The following GTF2F2 variants were observed in gnomAD, a reference collection of about 807,000 sequenced individuals.
GTF2F2 encodes general transcription factor IIF subunit 2.
A neutral mutation model predicts 42.2 loss-of-function variants in GTF2F2; 23 were observed. The observed-to-expected ratio is 0.55, with a 90% CI of 0.39 to 0.77. GTF2F2 has a LOEUF of 0.77. Ranked by LOEUF, GTF2F2 falls within the 30% of genes least tolerant of loss-of-function variation. The pLI is 0.00. For synonymous variants in GTF2F2, 105 were observed against 100.8 expected (o/e 1.04, Z -0.25); for missense variants, 261 against 287.2 (o/e 0.91, Z 0.66).
intron 5 of GTF2F2, among the ~76,000 whole-genome samples, chr13:45,248,634 C>T (rs563021196): frequency 2.6e-5 from 4 of 152,046 alleles, no homozygotes; most frequent in South Asian, 2.1e-4. Flanking sequence ...CCACCATGCC[C>T]GGCTGATTTT....
At chr13:45,122,565 C>T (rs538325603) in intron 1 of GTF2F2, among the ~76,000 whole-genome samples, 4 of 152,098 alleles carry the variant, frequency 2.6e-5, no homozygotes, top group Admixed American at 6.6e-5. Context: ...AACCGGGAGA[C>T]GGAGGTTGCA....
chr13:45,246,444 T>C (rs184305450), intron 5 of GTF2F2, among the ~76,000 whole-genome samples: 2 of 152,308 alleles, frequency 1.3e-5, no homozygotes, highest in African/African-American at 4.8e-5. Context: ...GAATCTGTTT[T>C]CAAAATATTT....
At position 45,136,797 on chromosome 13, in the gene GTF2F2, G is replaced by A. The variant is rs544686461; in HGVS notation, c.131G>A (p.Arg44Gln). Residue 44 changes from arginine to glutamine, a missense_variant, in exon 2 of 8, where the codon CGG becomes CAG. By Grantham distance (43) the Arg-to-Gln change is conservative. Coordinates refer to ENST00000340473, the MANE Select transcript of GTF2F2 (RefSeq NM_004128.3). ...ASGRGEVGKL[R>Q]IAKTQGRTEV... The stretch of plus-strand genomic sequence containing the variant: ...GGAAGAGGTGAAGTTGGGAAACTGC[G>A]GATTGCCAAGTAAGTTATTTACATA... 4.2e-5 allele frequency: 66 copies of A among 1,562,578 alleles called. No individual in the cohort carries two copies. The highest frequency in any genetic ancestry group is 1.9e-4 in the African/African-American group (14 of 73,986).
At chr13:45,262,716 G>T (rs1052081069) in intron 6 of GTF2F2, among the ~76,000 whole-genome samples, 8 of 152,036 alleles carry the variant, frequency 5.3e-5, no homozygotes, top group African/African-American at 1.9e-4. Context: ...ACTGCGCCCG[G>T]CCTAATCTTT....
At chr13:45,166,419 T>C (rs181451326) in intron 4 of GTF2F2, among the ~76,000 whole-genome samples, 1 of 152,332 alleles carries the variant, frequency 6.6e-6, no homozygotes, top group African/African-American at 2.4e-5. Context: ...ATGCAGTCTT[T>C]CTGCAGAACT....
At position 45,249,303 on chromosome 13, in the gene GTF2F2, T is replaced by C. The variant is rs527693068; in HGVS notation, c.387-3568T>C. ...TTTAGTTTTGAATCATAAGTTGTCCTCTTTTAATTAAAACCCTTGTGGTTG... is the reference window on the plus strand; with the variant it reads ...TTTAGTTTTGAATCATAAGTTGTCCCCTTTTAATTAAAACCCTTGTGGTTG... On this transcript the variant is annotated intron_variant, in intron 5 of 7. Transcript: ENST00000340473. Among the ~76,000 whole-genome samples the C allele has an allele frequency of 2.6e-5, 4 of 152,354 alleles. No homozygotes were observed. The South Asian group carries it at 8.3e-4, about 32-fold the overall frequency.
intron 7 of GTF2F2, among the ~76,000 whole-genome samples, chr13:45,272,436 AAAAAC>A (rs1876835937): frequency 1.4e-5 from 2 of 143,092 alleles, no homozygotes; most frequent in African/African-American, 5.6e-5. Flanking sequence ...AAAAAAAAAA[AAAAAC>A]AAAAAAAAAA....
In GTF2F2 at chr13:45,120,551, T is replaced by C; in HGVS notation, c.-105T>C. On this transcript the variant is annotated 5_prime_UTR_variant, in exon 1 of 8. Coordinates refer to ENST00000340473, the MANE Select transcript of GTF2F2 (RefSeq NM_004128.3). ...CTGGCAGGTAAGGAACGCCGGCTCT[T>C]CGCCTCTCAGCGCGGCTTGTCCTTT... The C allele has an allele frequency of 1.3e-6, 1 of 776,680 alleles. No individual in the cohort carries two copies. The highest frequency in any genetic ancestry group is 1.6e-5 in the South Asian group (1 of 63,820). 48.1% of individuals were successfully genotyped at this position (776,680 alleles called of 1,614,324 possible). A position where few individuals can be genotyped will look rare whatever the true frequency, so the allele number is the denominator to read the frequency against.
At chr13:45,129,584 A>G (rs951323743) in intron 1 of GTF2F2, among the ~76,000 whole-genome samples, 2 of 152,188 alleles carry the variant, frequency 1.3e-5, no homozygotes, top group Admixed American at 6.5e-5. Context: ...AGTAAATTAT[A>G]TATCCTAGGT....
At chr13:45,283,215 G>A (rs536579270) in intron 7 of GTF2F2, among the ~76,000 whole-genome samples, 41 of 151,944 alleles carry the variant, frequency 2.7e-4, no homozygotes, top group Non-Finnish European at 5.4e-4. Context: ...TGGCATTCAG[G>A]ACTTTCAACT....
chr13:45,188,025 C>A (rs909653383), intron 4 of GTF2F2, among the ~76,000 whole-genome samples: 1 of 152,272 alleles, frequency 6.6e-6, no homozygotes, highest in East Asian at 1.9e-4. Context: ...CATGCCGCAG[C>A]CTCCCAAGTA....
intron 4 of GTF2F2, among the ~76,000 whole-genome samples, chr13:45,174,812 C>T (rs1277554221): frequency 6.6e-6 from 1 of 151,946 alleles, no homozygotes; most frequent in Non-Finnish European, 1.5e-5. Context: ...ACAGGTTTCT[C>T]ACTGGGAGAT....
intron 4 of GTF2F2, among the ~76,000 whole-genome samples, chr13:45,176,253 GT>G (rs1234084417): frequency 1.3e-5 from 2 of 152,106 alleles, no homozygotes; most frequent in Non-Finnish European, 2.9e-5. Flanking sequence ...AGCCATCTTA[GT>G]TTATCTTCCC....
chr13:45,177,810 GA>G (rs1198681930), intron 4 of GTF2F2, among the ~76,000 whole-genome samples: 1 of 152,136 alleles, frequency 6.6e-6, no homozygotes, highest in Admixed American at 6.5e-5. Flanking sequence ...TGTGAAGAAG[GA>G]AAAAGTCCAC....
At chr13:45,189,877 T>C (rs1872557186) in intron 4 of GTF2F2, among the ~76,000 whole-genome samples, 2 of 152,152 alleles carry the variant, frequency 1.3e-5, no homozygotes, top group Non-Finnish European at 2.9e-5. Flanking sequence ...AAATGGTATT[T>C]GCAATACTAT....
chr13:45,140,070 A>G (rs1228599821), intron 2 of GTF2F2, among the ~76,000 whole-genome samples: 1 of 149,498 alleles, frequency 6.7e-6, no homozygotes, highest in Non-Finnish European at 1.5e-5. Context: ...ACAGGGTCTC[A>G]CTCTGTTCCC....
intron 4 of GTF2F2, among the ~76,000 whole-genome samples, chr13:45,196,913 C>T (rs956695738): frequency 6.6e-6 from 1 of 152,092 alleles, no homozygotes; most frequent in Non-Finnish European, 1.5e-5. Context: ...CTTCCTAGCT[C>T]ACTCACTTTT....
intron 6 of GTF2F2, among the ~76,000 whole-genome samples, chr13:45,258,343 C>G (rs1035491074): frequency 4.0e-5 from 6 of 151,234 alleles, no homozygotes; most frequent in Non-Finnish European, 8.8e-5. Context: ...GAAGCTGCTG[C>G]AGAGGTGCTC....
intron 7 of GTF2F2, among the ~76,000 whole-genome samples, chr13:45,270,289 G>A (rs989881924): frequency 2.6e-5 from 4 of 152,042 alleles, no homozygotes; most frequent in African/African-American, 7.2e-5. Flanking sequence ...ATAAAGTCGG[G>A]GACATAGTAT....
Sources: allele counts gnomAD v4.1 joint callset (sites outside exome capture counted in the v4.1 genomes callset), GRCh38; gene constraint gnomAD v4.1.1; transcripts MANE v1.5; gene names NCBI Gene and HGNC (gene_info 2026-07-23, HGNC 2026-07-21).